The following DOCK7 variants were observed in gnomAD, a reference collection of about 807,000 sequenced individuals.
DOCK7 encodes the protein dedicator of cytokinesis protein 7.
In DOCK7, 138 loss-of-function variants were observed where a neutral mutation model predicts 271.0. The ratio of observed to expected loss-of-function variants is 0.51; its 90% confidence interval spans 0.44 to 0.59. The LOEUF is 0.59. Ranked by LOEUF, DOCK7 falls within the 20% of genes least tolerant of loss-of-function variation. The pLI, the probability that DOCK7 is intolerant of heterozygous loss-of-function variation, is 0.00. For missense variants in DOCK7, 2,066 were observed against 2,592.4 expected (o/e 0.80, Z 4.41); for synonymous variants, 823 against 876.1 (o/e 0.94, Z 1.07).
chr1:62,655,776 T>C (rs1299346881), intron 2 of DOCK7, among the ~76,000 whole-genome samples: 2 of 152,218 alleles, frequency 1.3e-5, no homozygotes, highest in Non-Finnish European at 2.9e-5. Context: ...TAACACATCT[T>C]AAACACTCAA....
intron 14 of DOCK7, among the ~76,000 whole-genome samples, chr1:62,587,328 C>G (rs923329622): frequency 6.9e-4 from 81 of 118,078 alleles, no homozygotes; most frequent in Non-Finnish European, 1.4e-3. Context: ...AAAAAAGAAT[C>G]AAGAGTTACT....
At chr1:62,596,532 G>A (rs1263561187) in intron 14 of DOCK7, among the ~76,000 whole-genome samples, 2 of 151,886 alleles carry the variant, frequency 1.3e-5, no homozygotes, top group African/African-American at 2.4e-5. Flanking sequence ...CTGGGCTCAC[G>A]CTTGTAATCG....
intron 25 of DOCK7, among the ~76,000 whole-genome samples, chr1:62,541,649 A>G (rs1645536108): frequency 6.6e-6 from 1 of 152,214 alleles, no homozygotes; most frequent in African/African-American, 2.4e-5. Context: ...TATGAATAAC[A>G]TACAAAATAT....
At position 62,611,776 on chromosome 1, in the gene DOCK7, G is replaced by GA. The variant is rs556755376; in HGVS notation, c.1682+6929dup. Among the ~76,000 whole-genome samples the GA allele has an allele frequency of 8.3e-4, 125 of 150,078 alleles. 2 individuals are homozygous for GA. Among genetic ancestry groups the GA allele is most frequent in the South Asian group, 2.3e-3 (11 of 4,742 alleles). On this transcript the variant is annotated intron_variant, in intron 14 of 49. Transcript: ENST00000635253. Reference sequence around the variant, plus strand: ...ATAATAAGCTTATTCAACTACTCAAGAAAAAAAAACTGATGATAGTAAAAT... The same window carrying GA: ...ATAATAAGCTTATTCAACTACTCAAGAAAAAAAAAACTGATGATAGTAAAAT...
chr1:62,479,015 A>T (rs1429401806), intron 43 of DOCK7: 1 of 152,162 alleles, frequency 6.6e-6, no homozygotes, highest in Non-Finnish European at 1.5e-5. Context: ...CCTCCTGAGT[A>T]GCTGGGATTA....
intron 31 of DOCK7, among the ~76,000 whole-genome samples, chr1:62,525,940 C>A (rs147377127): frequency 3.9e-5 from 6 of 152,138 alleles, no homozygotes; most frequent in Non-Finnish European, 7.4e-5. Flanking sequence ...AAAATAGCAA[C>A]CTTTTTTTTC....
chr1:62,494,666 G>GA (rs1464944965), intron 39 of DOCK7, 199 bp from the exon 40 acceptor site: 1 of 384,300 alleles, frequency 2.6e-6, no homozygotes, highest in Admixed American at 4.5e-5. Context: ...TCAGTTGGTG[G>GA]GGGGGGCAGG....
intron 7 of DOCK7, among the ~76,000 whole-genome samples, chr1:62,647,479 A>T (rs1656811424): frequency 6.6e-6 from 1 of 152,212 alleles, no homozygotes; most frequent in South Asian, 2.1e-4. Flanking sequence ...GCTACACAGT[A>T]GGCTTAGCTT....
chr1:62,570,833 T>C (rs1280544241), intron 18 of DOCK7, among the ~76,000 whole-genome samples: 1 of 152,208 alleles, frequency 6.6e-6, no homozygotes, highest in East Asian at 1.9e-4. Flanking sequence ...TAAATGGTGC[T>C]GTGAGAACTG....
intron 14 of DOCK7, among the ~76,000 whole-genome samples, chr1:62,618,261 G>C (rs1571788449): frequency 6.6e-6 from 1 of 152,094 alleles, no homozygotes; most frequent in African/African-American, 2.4e-5. Flanking sequence ...AGAACATAAT[G>C]CAGGCACATA....
intron 14 of DOCK7, 129 bp downstream of exon 14, chr1:62,618,577 T>C (rs1264632026): frequency 1.3e-6 from 1 of 745,484 alleles, no homozygotes; most frequent in Non-Finnish European, 2.2e-6. Context: ...TTAATAAAAT[T>C]GTGCGGTAAG....
intron 1 of DOCK7, among the ~76,000 whole-genome samples, chr1:62,684,861 T>C (rs1557908603): frequency 6.6e-6 from 1 of 152,162 alleles, no homozygotes; most frequent in Non-Finnish European, 1.5e-5. Context: ...AATCACCAAA[T>C]CACAGCCTCA....
rs148303184 is a variant in DOCK7, at chr1:62,567,432, C to T, written c.2113-5729G>A. Among the ~76,000 whole-genome samples, 1,108 of 151,770 alleles carry T rather than the reference C, an allele frequency of 7.3e-3. 8 individuals are homozygous for T. Among genetic ancestry groups the T allele is most frequent in the Non-Finnish European group, 0.011 (773 of 67,980 alleles). On this transcript the variant is annotated intron_variant, in intron 18 of 49. Transcript: ENST00000635253. ...TGAAACTGGAAACCATCATACTCAG[C>T]AAACTAACTCAAGAACAGAAAACCA... is the stretch of plus-strand genomic sequence containing the variant.
chr1:62,615,777 G>T (rs546283973), intron 14 of DOCK7, among the ~76,000 whole-genome samples: 1 of 151,622 alleles, frequency 6.6e-6, no homozygotes, highest in Non-Finnish European at 1.5e-5. Flanking sequence ...TGTCTGGAAT[G>T]AGTATTAACT....
chr1:62,504,841 G>A (rs1452947552), intron 36 of DOCK7, 59 bp from the exon 37 acceptor site: 14 of 1,575,224 alleles, frequency 8.9e-6, no homozygotes, highest in Non-Finnish European at 1.1e-5. Flanking sequence ...TCTGAGATAT[G>A]TTAATATAAC....
At chr1:62,540,275 G>A (rs185253750) in intron 25 of DOCK7, among the ~76,000 whole-genome samples, 48 of 151,856 alleles carry the variant, frequency 3.2e-4, no homozygotes, top group Middle Eastern at 3.4e-3. Context: ...CTGGGCTCAT[G>A]TGATTTGCCT....
Position 62,476,203 on chromosome 1 carries a change from C to T in DOCK7, c.5635-47G>A, listed in dbSNP as rs79655355. The T allele has an allele frequency of 2.2e-3, 3,392 of 1,519,682 alleles. 69 individuals carry two copies. The African/African-American group carries it at 0.041, about 18-fold the overall frequency. 94.1% of individuals were successfully genotyped at this position (1,519,682 alleles called of 1,614,324 possible). A position where few individuals can be genotyped will look rare whatever the true frequency, so the allele number is the denominator to read the frequency against. ...ATTTTATATGAAGTTAAAAAGACTG[C>T]GAAATAGAGAAGGCCTGAGGGTGAC... On this transcript the variant is annotated intron_variant, in intron 44 of 49. Transcript: ENST00000635253.
At chr1:62,631,918 A>G (rs1203797275) in intron 10 of DOCK7, among the ~76,000 whole-genome samples, 2 of 152,206 alleles carry the variant, frequency 1.3e-5, no homozygotes, top group African/African-American at 4.8e-5. Flanking sequence ...GTAAAAAGTA[A>G]AAAGGAAAGT....
At chr1:62,616,424 G>A (rs772999707) in intron 14 of DOCK7, among the ~76,000 whole-genome samples, 1 of 151,442 alleles carries the variant, frequency 6.6e-6, no homozygotes, top group Admixed American at 6.6e-5. Flanking sequence ...AGATTTTGAG[G>A]CTAATGTAAG....
Sources: gnomAD v4.1 joint callset for allele counts (sites outside exome capture counted in the v4.1 genomes callset) on GRCh38, gnomAD v4.1.1 for gene constraint, MANE v1.5 for transcripts, NCBI Gene and HGNC (gene_info 2026-07-23, HGNC 2026-07-21) for gene names.